DNAAF11: variants seen among roughly 807,000 people sequenced by gnomAD.
The protein encoded by DNAAF11 is leucine rich repeat containing 6.
Under a neutral mutation model 60.8 loss-of-function variants are expected in DNAAF11, and 45 were observed. The ratio of observed to expected loss-of-function variants is 0.74; its 90% CI spans 0.58 to 0.95. The LOEUF (loss-of-function observed/expected upper bound fraction) is 0.95. Among genes scored for constraint, DNAAF11 ranks in the 40% least tolerant of loss-of-function variants. The pLI, the probability that DNAAF11 is intolerant of heterozygous loss-of-function variation, is 0.00. For synonymous variants in DNAAF11, 191 were observed against 183.5 expected, an observed-to-expected ratio of 1.04 and a Z score of -0.33; for missense variants, 546 against 546.2, an observed-to-expected ratio of 1.00 and a Z score of 0.00.
At chr8:132,689,140 C>T in the DNAAF11 span, among the ~76,000 whole-genome samples, 1 of 152,126 alleles carries the variant, frequency 6.6e-6, no homozygotes, top group Non-Finnish European at 1.5e-5. Flanking sequence ...TACAGTTACT[C>T]CTTGTTCTCC....
chr8:132,689,853 T>C, the DNAAF11 span, among the ~76,000 whole-genome samples: 354 of 152,158 alleles, frequency 2.3e-3, 2 homozygotes, highest in Admixed American at 7.9e-3. Flanking sequence ...GCTGGGACTA[T>C]AGGCTCGCAC....
chr8:132,637,862 C>T (rs1298974597), intron 4 of DNAAF11, 73 bp downstream of exon 4: 1 of 1,304,384 alleles, frequency 7.7e-7, no homozygotes, highest in African/African-American at 1.5e-5. Context: ...CTGTTGCTGC[C>T]AGTAAAGCAG....
chr8:132,576,870 G>A (rs1814804554), intron 11 of DNAAF11, among the ~76,000 whole-genome samples: 1 of 152,184 alleles, frequency 6.6e-6, no homozygotes, highest in African/African-American at 2.4e-5. Flanking sequence ...CACTGATGCA[G>A]AAGTGGAAGA....
chr8:132,652,847 G>C (rs201784806), intron 3 of DNAAF11, among the ~76,000 whole-genome samples: 2 of 152,010 alleles, frequency 1.3e-5, no homozygotes, highest in South Asian at 2.1e-4. Context: ...TGTAGATGAC[G>C]GGTTGATGGG....
At chr8:132,697,010 G>A in the DNAAF11 span, among the ~76,000 whole-genome samples, 1 of 152,170 alleles carries the variant, frequency 6.6e-6, no homozygotes, top group Admixed American at 6.5e-5. Context: ...GTTTACCTAT[G>A]TAACAAACCT....
Position 132,636,175 on chromosome 8 carries a change from A to T in DNAAF11, c.429+1760T>A, listed in dbSNP as rs1821278481. Among the ~76,000 whole-genome samples, 3 of 152,006 alleles carry T rather than the reference A, an allele frequency of 2.0e-5. No individual in the cohort carries two copies. In the South Asian group the frequency reaches 6.2e-4, roughly 32 times the overall value. The stretch of plus-strand genomic sequence containing the variant: ...CAATGAAATGGTAATTAAGACTCTA[A>T]AGCATATCAACCTATTTTTACATAG... On this transcript the variant is annotated intron_variant, in intron 4 of 11. Coordinates refer to ENST00000620350, the MANE Select transcript of DNAAF11 (RefSeq NM_012472.6).
chr8:132,581,405 T>G (rs914521012), intron 11 of DNAAF11, among the ~76,000 whole-genome samples: 1 of 152,096 alleles, frequency 6.6e-6, no homozygotes, highest in African/African-American at 2.4e-5. Context: ...ATCCCAGCAC[T>G]TTGGGAGGCC....
At chr8:132,643,456 C>A in intron 3 of DNAAF11, 1 of 341,210 alleles carries the variant, frequency 2.9e-6, no homozygotes, top group Non-Finnish European at 5.8e-6. Context: ...TAAGAAAGGC[C>A]AGAGATTAGA....
At chr8:132,634,453 A>T (rs1032453711) in intron 4 of DNAAF11, among the ~76,000 whole-genome samples, 2 of 152,178 alleles carry the variant, frequency 1.3e-5, no homozygotes, top group Non-Finnish European at 2.9e-5. Flanking sequence ...CAATAAAGGT[A>T]TCTTCATACC....
chr8:132,657,391 C>G (rs1237825110), intron 2 of DNAAF11, among the ~76,000 whole-genome samples: 2 of 152,174 alleles, frequency 1.3e-5, no homozygotes, highest in African/African-American at 2.4e-5. Context: ...ATTACTATCT[C>G]TATTGATACT....
chr8:132,626,569 T>A (rs1329040022), intron 5 of DNAAF11, among the ~76,000 whole-genome samples: 2 of 152,214 alleles, frequency 1.3e-5, no homozygotes, highest in Non-Finnish European at 2.9e-5. Flanking sequence ...ATTAAGCATC[T>A]TCTGTTGTGC....
intron 1 of DNAAF11, among the ~76,000 whole-genome samples, chr8:132,665,425 G>A (rs181739558): frequency 2.0e-4 from 31 of 151,982 alleles, no homozygotes; most frequent in African/African-American, 5.6e-4. Flanking sequence ...CTGCAATTAC[G>A]TGAGATCATT....
At chr8:132,643,064 G>A (rs999616040) in intron 3 of DNAAF11, among the ~76,000 whole-genome samples, 12 of 152,134 alleles carry the variant, frequency 7.9e-5, no homozygotes, top group African/African-American at 1.9e-4. Context: ...ATAGGGCTCC[G>A]CTCCTATGAG....
At chr8:132,637,808 T>C (rs1563663798) in intron 4 of DNAAF11, 127 bp downstream of exon 4, 2 of 715,738 alleles carry the variant, frequency 2.8e-6, no homozygotes, top group Non-Finnish European at 4.5e-6. Context: ...AAATAATTAC[T>C]TTGGGCTCTC....
the DNAAF11 span, among the ~76,000 whole-genome samples, chr8:132,682,670 C>T: frequency 6.6e-6 from 1 of 152,166 alleles, no homozygotes; most frequent in African/African-American, 2.4e-5. Context: ...ATTTAGGTAA[C>T]AAACTAGTGT....
intron 10 of DNAAF11, 54 bp from the exon 11 acceptor site, chr8:132,583,833 T>C: frequency 9.0e-7 from 1 of 1,114,384 alleles, no homozygotes; most frequent in Non-Finnish European, 1.4e-6. Context: ...TGATGTACCT[T>C]AAAAAATATA....
intron 5 of DNAAF11, among the ~76,000 whole-genome samples, chr8:132,631,420 T>A (rs889708988): frequency 7.9e-5 from 12 of 152,356 alleles, no homozygotes; most frequent in East Asian, 3.9e-4. Context: ...CAACAGGATA[T>A]TATTCTATAC....
chr8:132,634,990 T>C (rs1380012499), intron 4 of DNAAF11, among the ~76,000 whole-genome samples: 4 of 152,134 alleles, frequency 2.6e-5, no homozygotes, highest in South Asian at 2.1e-4. Flanking sequence ...TAAGTCTATT[T>C]TGATTTAATT....
intron 10 of DNAAF11, among the ~76,000 whole-genome samples, chr8:132,589,684 A>G (rs1332237988): frequency 6.6e-6 from 1 of 152,222 alleles, no homozygotes; most frequent in Non-Finnish European, 1.5e-5. Context: ...ACTGCCACAG[A>G]GATTCTACAA....
Sources: gnomAD v4.1 joint callset for allele counts (sites outside exome capture counted in the v4.1 genomes callset) on GRCh38, gnomAD v4.1.1 for gene constraint, MANE v1.5 for transcripts, NCBI Gene and HGNC (gene_info 2026-07-23, HGNC 2026-07-21) for gene names.